Variants in SLC38A12 observed in about 807,000 individuals in gnomAD.
The protein encoded by SLC38A12 is solute carrier family 38 member 12.
At chr17:74,806,193 G>A in the SLC38A12 span, among the ~76,000 whole-genome samples, 5 of 152,086 alleles carry the variant, frequency 3.3e-5, no homozygotes, top group African/African-American at 2.4e-5. Flanking sequence ...TTCCTCTCAC[G>A]CTCTCTTGTT....
the SLC38A12 span, among the ~76,000 whole-genome samples, chr17:74,781,798 CT>C: frequency 5.9e-5 from 9 of 152,368 alleles, no homozygotes; most frequent in South Asian, 6.2e-4. Flanking sequence ...ATCCAACCCC[CT>C]GTGCCATCCA....
At chr17:74,777,869 G>A in the SLC38A12 span, 8 of 347,836 alleles carry the variant, frequency 2.3e-5, no homozygotes, top group East Asian at 2.4e-4. Context: ...AGCTGAGATC[G>A]AGCCGTTGCA....
the SLC38A12 span, chr17:74,777,757 T>G: frequency 2.0e-6 from 1 of 504,914 alleles, no homozygotes; most frequent in Non-Finnish European, 3.4e-6. Context: ...CTGTCTCTAC[T>G]AAAAATACAA....
At chr17:74,830,796 G>A in the SLC38A12 span, among the ~76,000 whole-genome samples, 6 of 152,298 alleles carry the variant, frequency 3.9e-5, no homozygotes, top group South Asian at 2.1e-4. Flanking sequence ...CTGTGCCTTC[G>A]CTCTGTCTTC....
At chr17:74,817,154 C>T in the SLC38A12 span, among the ~76,000 whole-genome samples, 1 of 152,100 alleles carries the variant, frequency 6.6e-6, no homozygotes, top group African/African-American at 2.4e-5. Context: ...TTGCAGAGGA[C>T]ACCTGTTCCT....
At chr17:74,808,804 G>T in the SLC38A12 span, among the ~76,000 whole-genome samples, 1 of 152,222 alleles carries the variant, frequency 6.6e-6, no homozygotes. Flanking sequence ...CTGCCTGGGG[G>T]CCACAGCGTG....
At chr17:74,789,500 A>G in the SLC38A12 span, among the ~76,000 whole-genome samples, 1 of 148,852 alleles carries the variant, frequency 6.7e-6, no homozygotes, top group African/African-American at 2.5e-5. Flanking sequence ...ACTGCACTCC[A>G]TCCTGGGCAA....
chr17:74,821,686 G>T, the SLC38A12 span, among the ~76,000 whole-genome samples: 3 of 152,206 alleles, frequency 2.0e-5, no homozygotes, highest in Non-Finnish European at 4.4e-5. Context: ...TCAGAAGAAG[G>T]AGTTTTCTCA....
chr17:74,791,431 C>A, the SLC38A12 span, among the ~76,000 whole-genome samples: 1 of 151,948 alleles, frequency 6.6e-6, no homozygotes, highest in African/African-American at 2.4e-5. Flanking sequence ...GGTCAGGAAC[C>A]CCAGGCAGCT....
the SLC38A12 span, among the ~76,000 whole-genome samples, chr17:74,830,953 G>A: frequency 2.0e-5 from 3 of 152,210 alleles, no homozygotes; most frequent in Non-Finnish European, 2.9e-5. Flanking sequence ...GCGACCTCGC[G>A]GGGCCTCAGT....
At chr17:74,795,615 G>A in the SLC38A12 span, 1,854 of 1,613,766 alleles carry the variant, frequency 1.1e-3, 1 homozygote, top group Admixed American at 2.3e-3. Context: ...CCGAGTGGAC[G>A]CCTACCGCAT....
chr17:74,781,855 C>T, the SLC38A12 span, among the ~76,000 whole-genome samples: 2 of 152,210 alleles, frequency 1.3e-5, no homozygotes, highest in African/African-American at 4.8e-5. Flanking sequence ...AGCCCCACCC[C>T]TGCCCGGCTT....
At chr17:74,808,569 C>T in the SLC38A12 span, among the ~76,000 whole-genome samples, 1 of 152,164 alleles carries the variant, frequency 6.6e-6, no homozygotes. Context: ...GGGGCAGAGC[C>T]TTCTCTGGAA....
At chr17:74,803,696 G>T in the SLC38A12 span, among the ~76,000 whole-genome samples, 9 of 152,260 alleles carry the variant, frequency 5.9e-5, no homozygotes, top group South Asian at 1.9e-3. Flanking sequence ...TGACCTGTGC[G>T]TGCACATGCA....
At chr17:74,828,389 G>C in the SLC38A12 span, among the ~76,000 whole-genome samples, 34 of 152,336 alleles carry the variant, frequency 2.2e-4, no homozygotes, top group Admixed American at 3.9e-4. Flanking sequence ...CTCTGAGTGT[G>C]TGTGCACAAC....
chr17:74,790,215 G>A, the SLC38A12 span: 12 of 1,613,620 alleles, frequency 7.4e-6, no homozygotes, highest in African/African-American at 4.0e-5. Context: ...GGAAGATGAC[G>A]ACTCCTCCAC....
the SLC38A12 span, chr17:74,839,244 C>T: frequency 2.1e-5 from 29 of 1,390,964 alleles, no homozygotes; most frequent in East Asian, 2.3e-4. Context: ...GGCACCATGA[C>T]GGGCCCCTAG....
At chr17:74,835,794 G>T in the SLC38A12 span, 1 of 1,470,672 alleles carries the variant, frequency 6.8e-7, no homozygotes, top group Non-Finnish European at 9.0e-7. Flanking sequence ...CCCAAGAACA[G>T]GGCTGCATGA....
chr17:74,791,389 GT>G, the SLC38A12 span, among the ~76,000 whole-genome samples: 475 of 136,246 alleles, frequency 3.5e-3, 13 homozygotes, highest in African/African-American at 0.014. Flanking sequence ...CTCCAGTGAG[GT>G]TCAGGAACCC....
Sources: allele counts gnomAD v4.1 joint callset (sites outside exome capture counted in the v4.1 genomes callset), GRCh38; gene constraint gnomAD v4.1.1; transcripts MANE v1.5; gene names NCBI Gene and HGNC (gene_info 2026-07-23, HGNC 2026-07-21).